The following ROBO2 variants were observed in gnomAD, a reference collection of about 807,000 sequenced individuals.
The protein encoded by ROBO2 is roundabout guidance receptor 2, also known as roundabout homolog 2.
In ROBO2, 53 loss-of-function variants were observed where a neutral mutation model predicts 160.8. The observed-to-expected ratio is 0.33, with a 90% CI of 0.26 to 0.41. ROBO2 has a LOEUF of 0.41. Among genes scored for constraint, ROBO2 ranks in the 10% least tolerant of loss-of-function variants. The pLI is 1.00. For synonymous variants in ROBO2, 664 were observed against 611.7 expected (o/e 1.09, Z -1.26); for missense variants, 1,577 against 1,722.4 (o/e 0.92, Z 1.49).
In ROBO2 at chr3:77,554,890, C is replaced by A. The variant is rs1582910791; in HGVS notation, c.1232-3054C>A. On this transcript the variant is annotated intron_variant, in intron 8 of 25. Transcript: ENST00000461745. ...CATCAGAGTTTGAGAGGATTGTCTC[C>A]AAATTTGAAAGACATTTTACTGTGG... Among the ~76,000 whole-genome samples, 4 of 151,948 alleles carry A rather than the reference C, an allele frequency of 2.6e-5. No individual in the cohort carries two copies. In the South Asian group the frequency reaches 8.3e-4, roughly 31 times the overall value.
rs529390170 is a variant in ROBO2, at chr3:76,968,963, G to A, written c.110-129051G>A. On this transcript the variant is annotated intron_variant, in intron 2 of 26. Transcript: ENST00000487694. ...TAACCGGATAATTAGTCTTCATTTTGGTGTACCCAGCATGAATAGCTTTTC... is the reference window on the plus strand; with the variant it reads ...TAACCGGATAATTAGTCTTCATTTTAGTGTACCCAGCATGAATAGCTTTTC... Among the ~76,000 whole-genome samples, 16 of 152,244 alleles carry A rather than the reference G, an allele frequency of 1.1e-4. No individual in the cohort carries two copies. In the South Asian group the frequency reaches 3.3e-3, roughly 32 times the overall value.
chr3:77,264,058 CACCAT>C (rs2058959702), intron 2 of ROBO2, among the ~76,000 whole-genome samples: 1 of 152,114 alleles, frequency 6.6e-6, no homozygotes, highest in Admixed American at 6.6e-5. Context: ...CCATCATCAT[CACCAT>C]CATCGTTATC....
intron 6 of ROBO2, 71 bp from the exon 8 acceptor site, chr3:77,546,267 A>C: frequency 1.3e-6 from 2 of 1,545,414 alleles, no homozygotes; most frequent in Non-Finnish European, 1.8e-6. Context: ...ATAGTACCAT[A>C]TTTTCTCCTT....
rs185352853 is a variant in ROBO2 at position 77,034,835 on chromosome 3, G to A, written c.110-63179G>A. 1.7e-3 allele frequency among the ~76,000 whole-genome samples: 260 copies of A among 151,966 alleles called. 2 individuals are homozygous for A. The highest frequency in any genetic ancestry group is 5.8e-3 in the African/African-American group (241 of 41,532). ...AATTTAATTATACAAATTCCAGATCGGAGCAGATGGACTTGGAATTATTTG... is the reference window on the plus strand; with the variant it reads ...AATTTAATTATACAAATTCCAGATCAGAGCAGATGGACTTGGAATTATTTG... On this transcript the variant is annotated intron_variant, in intron 2 of 26. Transcript: ENST00000487694.
chr3:76,573,545 T>C (rs1378911065), intron 2 of ROBO2, among the ~76,000 whole-genome samples: 5 of 151,750 alleles, frequency 3.3e-5, no homozygotes, highest in East Asian at 1.9e-4. Context: ...TTTTTGCTTA[T>C]AGGATGTTAA....
At chr3:76,911,112 T>C (rs981208322) in intron 2 of ROBO2, among the ~76,000 whole-genome samples, 1 of 152,180 alleles carries the variant, frequency 6.6e-6, no homozygotes, top group East Asian at 1.9e-4. Flanking sequence ...GAACTTATTT[T>C]AAGAAATGAA....
intron 8 of ROBO2, among the ~76,000 whole-genome samples, chr3:77,555,007 T>C (rs921230509): frequency 6.6e-6 from 1 of 151,950 alleles, no homozygotes; most frequent in African/African-American, 2.4e-5. Context: ...TGTCTTATTT[T>C]AAGAAATTGG....
intron 2 of ROBO2, among the ~76,000 whole-genome samples, chr3:76,581,758 C>G (rs2085717937): frequency 6.6e-6 from 1 of 151,922 alleles, no homozygotes; most frequent in Non-Finnish European, 1.5e-5. Flanking sequence ...ATGCACAATA[C>G]AAAGTCATTA....
At position 76,366,288 on chromosome 3, in the gene ROBO2, C is replaced by T. The variant is rs551593351; in HGVS notation, c.109+428686C>T. 5.9e-5 allele frequency among the ~76,000 whole-genome samples: 9 copies of T among 152,106 alleles called. No individual in the cohort carries two copies. In the South Asian group the frequency reaches 1.5e-3, roughly 25 times the overall value. On this transcript the variant is annotated intron_variant, in intron 2 of 26. Coordinates refer to the ROBO2 transcript ENST00000487694. ...AATACCCTTTACCCTGCTCTAATAT[C>T]CTTCTTAGCACTTGCAACCAGGCAC... is the stretch of plus-strand genomic sequence containing the variant.
At chr3:75,983,066 A>T (rs1383472513) in intron 2 of ROBO2, among the ~76,000 whole-genome samples, 1 of 151,502 alleles carries the variant, frequency 6.6e-6, no homozygotes, top group East Asian at 1.9e-4. Flanking sequence ...GTCATCAGTA[A>T]TCAGGAAAAG....
chr3:77,441,320 G>A (rs1307121614), intron 2 of ROBO2, among the ~76,000 whole-genome samples: 1 of 150,704 alleles, frequency 6.6e-6, no homozygotes, highest in Non-Finnish European at 1.5e-5. Context: ...ACTAGATCAG[G>A]GTGGGTTGAA....
intron 2 of ROBO2, among the ~76,000 whole-genome samples, chr3:76,160,393 G>A (rs1300446033): frequency 6.6e-6 from 1 of 152,098 alleles, no homozygotes; most frequent in Admixed American, 6.6e-5. Flanking sequence ...ATTTCAGTCG[G>A]AATTGTGTAA....
intron 2 of ROBO2, among the ~76,000 whole-genome samples, chr3:75,965,665 G>A (rs1167110538): frequency 2.0e-5 from 3 of 151,498 alleles, no homozygotes; most frequent in African/African-American, 7.3e-5. Flanking sequence ...TATATATATT[G>A]TATATTTGTA....
intron 5 of ROBO2, among the ~76,000 whole-genome samples, chr3:77,493,618 A>G (rs1364031936): frequency 6.6e-6 from 1 of 152,038 alleles, no homozygotes; most frequent in Non-Finnish European, 1.5e-5. Context: ...TCCACCTCTT[A>G]TCCCCAGATA....
intron 2 of ROBO2, among the ~76,000 whole-genome samples, chr3:76,250,146 G>A (rs1027925265): frequency 1.3e-5 from 2 of 151,962 alleles, no homozygotes; most frequent in East Asian, 3.9e-4. Flanking sequence ...GCCAGCAGTG[G>A]TGCAGAAAAA....
chr3:76,133,044 T>C (rs2071289384), intron 2 of ROBO2, among the ~76,000 whole-genome samples: 1 of 152,094 alleles, frequency 6.6e-6, no homozygotes. Context: ...CTTTTCTATA[T>C]TTGTCAAATA....
chr3:77,476,978 C>A (rs2084088105), intron 2 of ROBO2, among the ~76,000 whole-genome samples: 1 of 152,024 alleles, frequency 6.6e-6, no homozygotes. Context: ...TCAAAGAATT[C>A]TCACCCCACT....
chr3:77,577,361 A>C, intron 14 of ROBO2, 129 bp from the exon 16 acceptor site: 1 of 1,076,956 alleles, frequency 9.3e-7, no homozygotes, highest in Admixed American at 1.8e-5. Flanking sequence ...ACTGTTGAAC[A>C]CCGTGTGCAT....
intron 2 of ROBO2, among the ~76,000 whole-genome samples, chr3:76,269,493 G>A (rs1358168341): frequency 2.0e-5 from 3 of 151,254 alleles, no homozygotes; most frequent in Non-Finnish European, 4.4e-5. Flanking sequence ...ATGAACTTCT[G>A]AATGGATGAT....
Sources: gnomAD v4.1 joint callset for allele counts (sites outside exome capture counted in the v4.1 genomes callset) on GRCh38, gnomAD v4.1.1 for gene constraint, MANE v1.5 for transcripts, NCBI Gene and HGNC (gene_info 2026-07-23, HGNC 2026-07-21) for gene names.